Variants in CENPI observed in about 807,000 individuals in gnomAD.
CENPI encodes FSH primary response 1.
Under a neutral mutation model 60.4 loss-of-function variants are expected in CENPI, and 4 were observed. The ratio of observed to expected loss-of-function variants is 0.07; its 90% CI spans 0.03 to 0.15. CENPI has a LOEUF of 0.15. Ranked by LOEUF, CENPI falls within the 10% of genes least tolerant of loss-of-function variation. The pLI, the probability that CENPI is intolerant of heterozygous loss-of-function variation, is 1.00. For synonymous variants in CENPI, 157 were observed against 189.4 expected (o/e 0.83, Z 1.40); for missense variants, 444 against 534.5 (o/e 0.83, Z 1.67).
At chrX:101,179,438 G>A in the CENPI span, among the ~76,000 whole-genome samples, 3 of 111,780 alleles carry the variant, frequency 2.7e-5, no homozygotes, top group South Asian at 3.6e-4. Flanking sequence ...CATTTGGATT[G>A]TTTCCATTTT....
intron 20 of CENPI, among the ~76,000 whole-genome samples, chrX:101,160,133 T>C (rs2148264349): frequency 8.9e-6 from 1 of 111,928 alleles, no homozygotes; most frequent in Admixed American, 9.6e-5. Flanking sequence ...TATTTGTCAT[T>C]TGCTATTGGA....
rs185369419 is a variant in CENPI, at chrX:101,127,769, C to T, written c.1074+104C>T. On this transcript the variant is annotated intron_variant, in intron 11 of 21. Coordinates refer to ENST00000682095, the MANE Select transcript of CENPI (RefSeq NM_001386188.2). Reference sequence around the variant, plus strand: ...TTTGTTTTTTTGAGATAGGGTCTTACCTGTCACCCAGGCAGTGGTGTGATC... The same window carrying T: ...TTTGTTTTTTTGAGATAGGGTCTTATCTGTCACCCAGGCAGTGGTGTGATC... The T allele has an allele frequency of 2.4e-5, 15 of 631,059 alleles. No homozygotes were observed. The East Asian group carries it at 3.8e-4, about 16-fold the overall frequency. 52.0% of individuals were successfully genotyped at this position (631,059 alleles called of 1,213,427 possible). A position where few individuals can be genotyped will look rare whatever the true frequency, so the allele number is the denominator to read the frequency against.
At chrX:101,121,686 G>A (rs1226535130) in intron 8 of CENPI, among the ~76,000 whole-genome samples, 2 of 110,807 alleles carry the variant, frequency 1.8e-5, no homozygotes, top group Non-Finnish European at 3.8e-5. Flanking sequence ...GCAAAGACAT[G>A]GAGATGTCAA....
chrX:101,120,911 T>A (rs2089671080), intron 8 of CENPI, 127 bp downstream of exon 8: 1 of 517,982 alleles, frequency 1.9e-6, no homozygotes, highest in South Asian at 3.9e-5. Flanking sequence ...GGTCTCACTC[T>A]GTTGCCCAGA....
chrX:101,177,325 T>G, the CENPI span, among the ~76,000 whole-genome samples: 1 of 111,416 alleles, frequency 9.0e-6, no homozygotes, highest in East Asian at 2.8e-4. Flanking sequence ...TGCAGGTGAG[T>G]ACCAGCTGCA....
intron 6 of CENPI, among the ~76,000 whole-genome samples, chrX:101,115,360 C>T (rs1263326590): frequency 4.6e-5 from 5 of 109,385 alleles, no homozygotes; most frequent in Non-Finnish European, 7.6e-5. Context: ...TCATGGCTCA[C>T]TGCAGCCTCG....
intron 2 of CENPI, 118 bp from the exon 3 acceptor site, chrX:101,100,940 T>C (rs1439710695): frequency 2.2e-6 from 1 of 453,876 alleles, no homozygotes; most frequent in African/African-American, 2.4e-5. Context: ...ACTTATTTAT[T>C]GTATGCCTGT....
At chrX:101,179,815 C>T in the CENPI span, among the ~76,000 whole-genome samples, 2 of 112,567 alleles carry the variant, frequency 1.8e-5, no homozygotes, top group African/African-American at 3.2e-5. Flanking sequence ...CCACTGCACC[C>T]GGCCTGAATG....
intron 14 of CENPI, 24 bp downstream of exon 14, chrX:101,132,331 T>C: frequency 1.7e-6 from 2 of 1,183,641 alleles, no homozygotes; most frequent in Non-Finnish European, 2.3e-6. Flanking sequence ...AAATTTGGAG[T>C]CATTTGATTC....
At chrX:101,143,501 G>A (rs767801906) in intron 16 of CENPI, among the ~76,000 whole-genome samples, 4 of 111,598 alleles carry the variant, frequency 3.6e-5, no homozygotes, top group Admixed American at 9.5e-5. Flanking sequence ...TTTTAGGGTT[G>A]AATTGAATTC....
At chrX:101,171,686 C>CAA in the CENPI span, among the ~76,000 whole-genome samples, 1 of 111,984 alleles carries the variant, frequency 8.9e-6, no homozygotes, top group Non-Finnish European at 1.9e-5. Context: ...CTCAGCTTCT[C>CAA]AAAGTGCTGG....
downstream of CENPI, among the ~76,000 whole-genome samples, chrX:101,168,825 G>A (rs760393238): frequency 8.9e-6 from 1 of 111,989 alleles, no homozygotes; most frequent in Admixed American, 9.5e-5. Context: ...TCCTGGAGTA[G>A]AGAGTATCGT....
chrX:101,173,314 C>CTTTT, the CENPI span, among the ~76,000 whole-genome samples: 741 of 50,470 alleles, frequency 0.015, 55 homozygotes, highest in Non-Finnish European at 0.019. Flanking sequence ...TGCCTGGCCT[C>CTTTT]TTTTTTTTTT....
At chrX:101,120,234 T>C (rs2089662935) in intron 6 of CENPI, among the ~76,000 whole-genome samples, 168 bp from the exon 7 acceptor site, 1 of 111,976 alleles carries the variant, frequency 8.9e-6, no homozygotes, top group Admixed American at 9.6e-5. Flanking sequence ...CTATTGTTTT[T>C]TTATCACTAT....
intron 17 of CENPI, among the ~76,000 whole-genome samples, 177 bp from the exon 18 acceptor site, chrX:101,145,976 G>C (rs943094739): frequency 9.1e-6 from 1 of 110,021 alleles, no homozygotes; most frequent in African/African-American, 3.3e-5. Flanking sequence ...CTATAGTGTG[G>C]CTGATGTTTG....
chrX:101,170,496 TATC>T (rs2090154289), downstream of CENPI, among the ~76,000 whole-genome samples: 1 of 112,264 alleles, frequency 8.9e-6, no homozygotes, highest in African/African-American at 3.2e-5. Flanking sequence ...AGGTAGTTAA[TATC>T]ATACACCATA....
chrX:101,178,408 T>C, the CENPI span, among the ~76,000 whole-genome samples: 6 of 76,252 alleles, frequency 7.9e-5, no homozygotes, highest in Non-Finnish European at 1.3e-4. Context: ...CTTTTTTTTT[T>C]TTTTTTTTTT....
chrX:101,134,383 G>A (rs886460754), intron 15 of CENPI, among the ~76,000 whole-genome samples: 2 of 111,526 alleles, frequency 1.8e-5, no homozygotes, highest in Non-Finnish European at 3.8e-5. Flanking sequence ...AAAATAAGAA[G>A]CATGATTTAG....
At chrX:101,122,430 G>A (rs894593472) in intron 8 of CENPI, among the ~76,000 whole-genome samples, 1 of 111,553 alleles carries the variant, frequency 9.0e-6, no homozygotes, top group Non-Finnish European at 1.9e-5. Context: ...CCATGGGTAC[G>A]ATTATTTTTT....
Sources: allele counts gnomAD v4.1 joint callset (sites outside exome capture counted in the v4.1 genomes callset), GRCh38; gene constraint gnomAD v4.1.1; transcripts MANE v1.5; gene names NCBI Gene and HGNC (gene_info 2026-07-23, HGNC 2026-07-21).